Variants in GALNT11 observed in about 807,000 individuals in gnomAD.
GALNT11 encodes polypeptide N-acetylgalactosaminyltransferase 11, also known as UDP-GalNAc:polypeptide N-acetylgalactosaminyltransferase 11.
Under a neutral mutation model 72.7 loss-of-function variants are expected in GALNT11, and 47 were observed. The ratio of observed to expected loss-of-function variants is 0.65; its 90% CI spans 0.51 to 0.82. The LOEUF (loss-of-function observed/expected upper bound fraction) is 0.82, where lower values mean the gene tolerates loss of function less well. Ranked by LOEUF, GALNT11 falls within the 40% of genes least tolerant of loss-of-function variation. The pLI, the probability that GALNT11 is intolerant of heterozygous loss-of-function variation, is 0.00. For synonymous variants in GALNT11, 270 were observed against 286.6 expected (o/e 0.94, Z 0.58); for missense variants, 677 against 778.4 (o/e 0.87, Z 1.55).
Position 152,106,878 on chromosome 7 carries a change from C to G in GALNT11, c.713-1160C>G, listed in dbSNP as rs80099815. Reference sequence around the variant, plus strand: ...AACACTTTTAGAATTAAGAAAAGCTCTGAATCCATTTTCTCCTCGAAGCAA... The same window carrying G: ...AACACTTTTAGAATTAAGAAAAGCTGTGAATCCATTTTCTCCTCGAAGCAA... On this transcript the variant is annotated intron_variant, in intron 5 of 11. Coordinates refer to ENST00000430044, the MANE Select transcript of GALNT11 (RefSeq NM_022087.4). Among the ~76,000 whole-genome samples, 602 of 152,246 alleles carry G rather than the reference C, an allele frequency of 4.0e-3. 13 individuals are homozygous for G. The highest frequency in any genetic ancestry group is 0.034 in the Admixed American group (527 of 15,294).
intron 1 of GALNT11, among the ~76,000 whole-genome samples, chr7:152,038,021 C>T (rs1223641239): frequency 1.3e-5 from 2 of 152,164 alleles, no homozygotes; most frequent in Admixed American, 1.3e-4. Context: ...CTGCCTGCCT[C>T]AGCCTCCCAA....
In GALNT11 at chr7:152,121,722, C is replaced by T. The variant is rs745583592; in HGVS notation, c.*45C>T. ...ACGTTGCTTCATCAGGCGTTGCCTC[C>T]GGTGTGGAGTTTGGGGCTTTAGGAA... On this transcript the variant is annotated 3_prime_UTR_variant, in exon 12 of 12. Transcript: ENST00000430044. 2.7e-5 allele frequency: 43 copies of T among 1,591,644 alleles called. No individual in the cohort carries two copies. Among genetic ancestry groups the T allele is most frequent in the South Asian group, 4.5e-5 (4 of 88,428 alleles).
chr7:152,038,686 G>C (rs968788776), intron 1 of GALNT11, among the ~76,000 whole-genome samples: 2 of 152,212 alleles, frequency 1.3e-5, no homozygotes, highest in African/African-American at 4.8e-5. Context: ...TCTTGCAGGA[G>C]TCAGGATCCA....
intron 5 of GALNT11, among the ~76,000 whole-genome samples, chr7:152,106,667 G>A (rs553889465): frequency 6.6e-6 from 1 of 152,276 alleles, no homozygotes; most frequent in Admixed American, 6.5e-5. Context: ...CAAGTTTACT[G>A]TGAACTGACT....
chr7:152,085,509 G>A (rs1296525442), intron 1 of GALNT11, among the ~76,000 whole-genome samples: 1 of 152,016 alleles, frequency 6.6e-6, no homozygotes, highest in Non-Finnish European at 1.5e-5. Context: ...TAAAGGCCTG[G>A]GTAATTGCCT....
At chr7:152,072,709 T>C (rs974426189) in intron 1 of GALNT11, among the ~76,000 whole-genome samples, 1 of 152,252 alleles carries the variant, frequency 6.6e-6, no homozygotes, top group Non-Finnish European at 1.5e-5. Context: ...CTTTACCTGT[T>C]TAGAAAAGTT....
chr7:152,047,956 C>T (rs771121099), intron 1 of GALNT11, among the ~76,000 whole-genome samples: 3 of 151,834 alleles, frequency 2.0e-5, no homozygotes, highest in Non-Finnish European at 4.4e-5. Context: ...AATGACGGTA[C>T]TCTAATATGC....
chr7:152,109,886 G>T (rs10262445), intron 6 of GALNT11, among the ~76,000 whole-genome samples: 1,976 of 152,266 alleles, frequency 0.013, 42 homozygotes, highest in African/African-American at 0.045. Flanking sequence ...GAGAGGACTA[G>T]TCTGTGGCTT....
chr7:152,029,050 A>G (rs2082180961), intron 1 of GALNT11, among the ~76,000 whole-genome samples: 1 of 152,174 alleles, frequency 6.6e-6, no homozygotes, highest in African/African-American at 2.4e-5. Context: ...TAAGAGTTTG[A>G]AAGGCGTCTG....
intron 1 of GALNT11, among the ~76,000 whole-genome samples, chr7:152,046,745 A>G (rs772203474): frequency 1.3e-5 from 2 of 152,132 alleles, no homozygotes; most frequent in Non-Finnish European, 2.9e-5. Flanking sequence ...TTATCCATTC[A>G]GCCACTCTGT....
chr7:152,061,695 CT>C (rs1230927989), intron 1 of GALNT11, among the ~76,000 whole-genome samples: 2 of 137,080 alleles, frequency 1.5e-5, no homozygotes, highest in South Asian at 5.3e-4. Flanking sequence ...CTACTTATGG[CT>C]AGCCAGTTTT....
In GALNT11 at chr7:152,107,857, G is replaced by A. The variant is rs1587419271; in HGVS notation, c.713-181G>A. 9.7e-6 allele frequency: 6 copies of A among 621,018 alleles called. No individual in the cohort carries two copies. In the East Asian group the frequency reaches 1.1e-4, roughly 12 times the overall value. 38.5% of individuals were successfully genotyped at this position (621,018 alleles called of 1,614,324 possible). On this transcript the variant is annotated intron_variant, in intron 5 of 11. Transcript: ENST00000430044. Reference sequence around the variant, plus strand: ...CAGGACACTGCACGCAGCATTACTGGCTGAGGGACGTCCTTGTTGACCACC... The same window carrying A: ...CAGGACACTGCACGCAGCATTACTGACTGAGGGACGTCCTTGTTGACCACC...
chr7:152,050,092 G>C (rs1006117860), intron 1 of GALNT11, among the ~76,000 whole-genome samples: 1 of 152,020 alleles, frequency 6.6e-6, no homozygotes, highest in East Asian at 1.9e-4. Context: ...GGCCCGCTTG[G>C]TGCTCTACCC....
In GALNT11 at chr7:152,091,809, A is replaced by G. The variant is rs548680748; in HGVS notation, c.-38-2381A>G. Among the ~76,000 whole-genome samples the G allele has an allele frequency of 2.0e-5, 3 of 152,318 alleles. No homozygotes were observed. The East Asian group carries it at 5.8e-4, about 29-fold the overall frequency. ...TGACAGCAGGAACACTAACCAAGAC[A>G]TTTGGAGGCAGGGTTGGGCATGGTC... On this transcript the variant is annotated intron_variant, in intron 1 of 11. Transcript: ENST00000430044.
intron 1 of GALNT11, among the ~76,000 whole-genome samples, chr7:152,070,888 C>T (rs990373172): frequency 1.3e-5 from 2 of 152,146 alleles, no homozygotes; most frequent in Non-Finnish European, 2.9e-5. Context: ...GCTGGGCGTC[C>T]GGGGGACACA....
intron 1 of GALNT11, among the ~76,000 whole-genome samples, chr7:152,034,200 T>C (rs1203182376): frequency 6.6e-6 from 1 of 152,174 alleles, no homozygotes; most frequent in Non-Finnish European, 1.5e-5. Flanking sequence ...TAGAGGAGGC[T>C]TATCATTAAT....
chr7:152,062,551 A>T (rs2084080194), intron 1 of GALNT11, among the ~76,000 whole-genome samples: 1 of 152,202 alleles, frequency 6.6e-6, no homozygotes, highest in Non-Finnish European at 1.5e-5. Context: ...GCCAGTTTTC[A>T]AAGGGAATGC....
At chr7:152,061,373 A>G (rs2084005879) in intron 1 of GALNT11, among the ~76,000 whole-genome samples, 1 of 152,208 alleles carries the variant, frequency 6.6e-6, no homozygotes, top group African/African-American at 2.4e-5. Context: ...TCTAGATATT[A>G]GCCCTTTGTC....
rs1207148754 is a variant in GALNT11 at position 152,094,202 on chromosome 7, G to A, written c.-26G>A. On this transcript the variant is annotated 5_prime_UTR_variant, in exon 2 of 12. The change abolishes an upstream ATG in the 5' untranslated region. Coordinates refer to ENST00000430044, the MANE Select transcript of GALNT11 (RefSeq NM_022087.4). The surrounding 1 kb of genome is among the most constrained non-coding windows in gnomAD (Gnocchi z 4.3). Reference sequence around the variant, plus strand: ...TCTTCTTTTTTAGGAAATTGACAATGGCCCTTCAGCTATGCTAGGTCTATA... The same window carrying A: ...TCTTCTTTTTTAGGAAATTGACAATAGCCCTTCAGCTATGCTAGGTCTATA... The A allele has an allele frequency of 2.6e-6, 4 of 1,544,542 alleles. No individual in the cohort carries two copies. The highest frequency in any genetic ancestry group is 3.5e-6 in the Non-Finnish European group (4 of 1,147,620).
Sources: allele counts gnomAD v4.1 joint callset (sites outside exome capture counted in the v4.1 genomes callset), GRCh38; gene constraint gnomAD v4.1.1; non-coding constraint Gnocchi (gnomAD v3.1); transcripts MANE v1.5; gene names NCBI Gene and HGNC (gene_info 2026-07-23, HGNC 2026-07-21).